Variants in ENPP1 observed in about 807,000 individuals in gnomAD.
The protein encoded by ENPP1 is ectonucleotide pyrophosphatase/phosphodiesterase 1, also known as ectonucleotide pyrophosphatase/phosphodiesterase family member 1.
Under a neutral mutation model 122.8 loss-of-function variants are expected in ENPP1, and 73 were observed. The observed-to-expected ratio is 0.59, with a 90% confidence interval of 0.49 to 0.72. The LOEUF (loss-of-function observed/expected upper bound fraction) is 0.72, where lower values mean the gene tolerates loss of function less well. Among genes scored for constraint, ENPP1 ranks in the 30% least tolerant of loss-of-function variants. The probability of loss-of-function intolerance (pLI) is 0.00; values close to 1 mark genes in which losing one functional copy is unlikely to be tolerated. For synonymous variants in ENPP1, 367 were observed against 391.6 expected (o/e 0.94, Z 0.74); for missense variants, 978 against 1,128.1 (o/e 0.87, Z 1.91).
At position 131,890,724 on chromosome 6, in the gene ENPP1, T is replaced by C. The variant is rs1782458434; in HGVS notation, c.*213T>C. The C allele has an allele frequency of 3.5e-6, 2 of 578,348 alleles. No homozygotes were observed. Among genetic ancestry groups the C allele is most frequent in the Non-Finnish European group, 6.1e-6 (2 of 325,282 alleles). 35.8% of individuals were successfully genotyped at this position (578,348 alleles called of 1,614,324 possible). A position where few individuals can be genotyped will look rare whatever the true frequency, so the allele number is the denominator to read the frequency against. On this transcript the variant is annotated 3_prime_UTR_variant, in exon 25 of 25. Coordinates refer to ENST00000647893, the MANE Select transcript of ENPP1 (RefSeq NM_006208.3). Reference sequence around the variant, plus strand: ...TTGCACATATTTGAATGTGTAAGCATTGTATACATTGATCAAGTTCGGGGG... The same window carrying C: ...TTGCACATATTTGAATGTGTAAGCACTGTATACATTGATCAAGTTCGGGGG...
chr6:131,827,194 G>C, intron 1 of ENPP1: 1 of 794,126 alleles, frequency 1.3e-6, no homozygotes, highest in Non-Finnish European at 2.3e-6. Flanking sequence ...ATGTTTTTCA[G>C]TTTCTCAACT....
intron 1 of ENPP1, among the ~76,000 whole-genome samples, chr6:131,809,983 G>C (rs1486621953): frequency 6.6e-6 from 1 of 152,140 alleles, no homozygotes; most frequent in Non-Finnish European, 1.5e-5. Flanking sequence ...TCCATTAATT[G>C]GGGTCTTTTG....
At chr6:131,819,357 T>C (rs1781455957) in intron 1 of ENPP1, among the ~76,000 whole-genome samples, 1 of 152,228 alleles carries the variant, frequency 6.6e-6, no homozygotes, top group East Asian at 1.9e-4. Context: ...ATATGCATTC[T>C]ATCGAAATGA....
At chr6:131,846,387 G>A (rs6569761) in intron 1 of ENPP1, among the ~76,000 whole-genome samples, 9 of 151,900 alleles carry the variant, frequency 5.9e-5, no homozygotes, top group Non-Finnish European at 8.8e-5. Context: ...GCCTGCCTTC[G>A]TGGAACCCTT....
At chr6:131,858,512 T>G (rs539572537) in intron 6 of ENPP1, among the ~76,000 whole-genome samples, 156 bp from the exon 7 acceptor site, 1 of 152,340 alleles carries the variant, frequency 6.6e-6, no homozygotes, top group South Asian at 2.1e-4. Context: ...GTATCCACAG[T>G]GTTGCTTTAT....
chr6:131,864,831 C>A, intron 10 of ENPP1, 35 bp from the exon 11 acceptor site: 1 of 1,345,350 alleles, frequency 7.4e-7, no homozygotes, highest in Non-Finnish European at 1.1e-6. Context: ...TCAATGTGTT[C>A]GTAAAATATT....
At position 131,858,850 on chromosome 6, in the gene ENPP1, C is replaced by T. The variant is rs1250107443; in HGVS notation, c.795+103C>T. Reference sequence around the variant, plus strand: ...AGATAAAAGAAAAACAACTTATTTTCCAATAGGTAGTTAAGTAAGGAAACC... The same window carrying T: ...AGATAAAAGAAAAACAACTTATTTTTCAATAGGTAGTTAAGTAAGGAAACC... On this transcript the variant is annotated intron_variant, in intron 7 of 24. Transcript: ENST00000647893. 5 of 876,358 alleles carry T rather than the reference C, an allele frequency of 5.7e-6. No homozygotes were observed. In the East Asian group the frequency reaches 7.9e-5, roughly 14 times the overall value. 54.3% of individuals were successfully genotyped at this position (876,358 alleles called of 1,614,324 possible).
intron 5 of ENPP1, among the ~76,000 whole-genome samples, chr6:131,852,883 T>C (rs545679428): frequency 7.2e-5 from 11 of 151,958 alleles, no homozygotes; most frequent in Non-Finnish European, 1.6e-4. Context: ...AAATAATTCA[T>C]ATTTGGTTTT....
chr6:131,881,621 C>T (rs903514315), intron 20 of ENPP1, among the ~76,000 whole-genome samples: 8 of 152,270 alleles, frequency 5.3e-5, no homozygotes, highest in Admixed American at 2.0e-4. Flanking sequence ...CGGTGGCTCA[C>T]GCCTGTAATC....
chr6:131,888,122 A>G (rs543020210), intron 24 of ENPP1, among the ~76,000 whole-genome samples: 62 of 152,116 alleles, frequency 4.1e-4, no homozygotes, highest in Non-Finnish European at 8.1e-4. Context: ...TTAGCCTCCC[A>G]AAGTGCGGGG....
chr6:131,862,157 G>A (rs1003107793), intron 9 of ENPP1, among the ~76,000 whole-genome samples: 6 of 151,732 alleles, frequency 4.0e-5, no homozygotes, highest in South Asian at 4.2e-4. Flanking sequence ...CGACAAGAGC[G>A]AAACTCCCTA....
intron 1 of ENPP1, among the ~76,000 whole-genome samples, chr6:131,829,076 A>C (rs1781579531): frequency 6.6e-6 from 1 of 152,230 alleles, no homozygotes; most frequent in Admixed American, 6.5e-5. Flanking sequence ...CTGACCCACT[A>C]TCTGCATAGG....
intron 1 of ENPP1, among the ~76,000 whole-genome samples, chr6:131,816,516 A>G (rs1159709735): frequency 6.6e-6 from 1 of 152,214 alleles, no homozygotes; most frequent in African/African-American, 2.4e-5. Context: ...TCATCGGATA[A>G]AAACTAAGTT....
rs1429590262 is a variant in ENPP1 at position 131,894,641 on chromosome 6, C to T, written c.*4130C>T. 1 of 152,154 alleles carries T rather than the reference C, an allele frequency of 6.6e-6. No individual in the cohort carries two copies. The highest frequency in any genetic ancestry group is 2.4e-5 in the African/African-American group (1 of 41,414). 9.4% of individuals were successfully genotyped at this position (152,154 alleles called of 1,614,324 possible). On this transcript the variant is annotated 3_prime_UTR_variant, in exon 25 of 25. Transcript: ENST00000647893. ...AGTTCATTCATGAAAGAACAAAGAA[C>T]CTGGCAAAACTTAAAAAAACGTTTC...
chr6:131,848,600 A>C (rs1781843194), intron 2 of ENPP1, among the ~76,000 whole-genome samples: 1 of 152,238 alleles, frequency 6.6e-6, no homozygotes, highest in Non-Finnish European at 1.5e-5. Flanking sequence ...TAAACTATTC[A>C]GAACACATGT....
rs1782240164 is a variant in ENPP1, at chr6:131,877,156, C to A, written c.1888C>A (p.Pro630Thr). The change falls in exon 18 of 25, where the codon CCT (proline) becomes ACT (threonine). Residue 630 changes from proline (P) to threonine (T), a missense_variant. Around this residue, in one of 3 missense-constraint regions of ENPP1, gnomAD observed 644 missense variants for 781.5 expected, o/e 0.82. Coordinates refer to ENST00000647893, the MANE Select transcript of ENPP1 (RefSeq NM_006208.3). ...AGATAACCTTGGCTGCTCATGTAACCCTTCGGTAAGTATCGTCAAGAAGTT... is the reference window on the plus strand; with the variant it reads ...AGATAACCTTGGCTGCTCATGTAACACTTCGGTAAGTATCGTCAAGAAGTT... ...PRDNLGCSCNPSILPIEDFQT... is the reference protein window; with the variant it reads ...PRDNLGCSCNTSILPIEDFQT... The A allele has an allele frequency of 6.2e-7, 1 of 1,613,432 alleles. No homozygotes were observed. The highest frequency in any genetic ancestry group is 1.1e-5 in the South Asian group (1 of 91,006).
At chr6:131,808,792 G>A (rs2114644238) in intron 1 of ENPP1, among the ~76,000 whole-genome samples, 1 of 152,280 alleles carries the variant, frequency 6.6e-6, no homozygotes, top group African/African-American at 2.4e-5. Context: ...TTTCCTTGCA[G>A]GTGCTCAGAA....
chr6:131,874,723 C>G (rs1048744119), intron 16 of ENPP1, among the ~76,000 whole-genome samples: 1 of 152,012 alleles, frequency 6.6e-6, no homozygotes, highest in Non-Finnish European at 1.5e-5. Context: ...ATCAGTTTAT[C>G]AAAGACACCT....
At chr6:131,862,977 A>G (rs1289657951) in intron 9 of ENPP1, among the ~76,000 whole-genome samples, 1 of 152,096 alleles carries the variant, frequency 6.6e-6, no homozygotes, top group Non-Finnish European at 1.5e-5. Flanking sequence ...TAAACTATCA[A>G]CTAAATTCCT....
Sources: allele counts gnomAD v4.1 joint callset (sites outside exome capture counted in the v4.1 genomes callset), GRCh38; gene constraint gnomAD v4.1.1; regional missense constraint gnomAD v4.1.1; transcripts MANE v1.5; gene names NCBI Gene and HGNC (gene_info 2026-07-23, HGNC 2026-07-21).